Variants in RIPOR3 observed in about 807,000 individuals in gnomAD.
RIPOR3 encodes the protein family with sequence similarity 65 member C.
In RIPOR3, 95 loss-of-function variants were observed where a neutral mutation model predicts 114.3. The observed-to-expected ratio is 0.83, with a 90% confidence interval of 0.70 to 0.99. RIPOR3 has a LOEUF of 0.99. Among genes scored for constraint, RIPOR3 ranks in the 50% least tolerant of loss-of-function variants. The probability of loss-of-function intolerance (pLI) is 0.00; values close to 1 mark genes in which losing one functional copy is unlikely to be tolerated. For synonymous variants in RIPOR3, 575 were observed against 543.8 expected, an observed-to-expected ratio of 1.06 and a Z score of -0.80; for missense variants, 1,252 against 1,266.9, an observed-to-expected ratio of 0.99 and a Z score of 0.18.
chr20:50,623,057 A>G (rs2084477549), intron 2 of RIPOR3, among the ~76,000 whole-genome samples: 1 of 152,074 alleles, frequency 6.6e-6, no homozygotes, highest in African/African-American at 2.4e-5. Flanking sequence ...TGAGGTCAGG[A>G]GTTCAAGACC....
rs367985662 is a variant in RIPOR3, at chr20:50,602,179, C to T, written c.1552G>A (p.Glu518Lys). Residue 518 changes from glutamate to lysine, a missense_variant, in exon 13 of 22, where the codon GAG becomes AAG. Glu to Lys is a moderately conservative substitution (Grantham distance 56). Coordinates refer to ENST00000327979, the MANE Select transcript of RIPOR3 (RefSeq NM_001290268.2). The surrounding 1 kb of genome is among the most constrained non-coding windows in gnomAD (Gnocchi z 4.3). ...DREDGPGVALEGPLQEVLELL... is the reference protein window; with the variant it reads ...DREDGPGVALKGPLQEVLELL... ...TCCAGGACCTCCTGCAGAGGCCCCT[C>T]GAGGGCCACGCCAGGCCCGTCCTCT... 8.1e-6 allele frequency: 13 copies of T among 1,613,032 alleles called. No individual in the cohort carries two copies. The African/African-American group carries it at 9.3e-5, about 12-fold the overall frequency.
rs916691399 is a variant in RIPOR3 at position 50,682,571 on chromosome 20, C to T, written c.3+8555G>A. Among the ~76,000 whole-genome samples, 4 of 122,094 alleles carry T rather than the reference C, an allele frequency of 3.3e-5. No individual in the cohort carries two copies. In the East Asian group the frequency reaches 1.3e-3, roughly 38 times the overall value. 80.1% of individuals were successfully genotyped at this position (122,094 alleles called of 152,430 possible). A position where few individuals can be genotyped will look rare whatever the true frequency, so the allele number is the denominator to read the frequency against. On this transcript the variant is annotated intron_variant, in intron 1 of 21. Transcript: ENST00000327979. ...ACAGTGAGCTGAGATTGCACCACTG[C>T]ACTCCAGCCTGGGTGACAGAGTGAG... is the stretch of plus-strand genomic sequence containing the variant.
At chr20:50,682,612 A>ATATGTGTGTGTGTGTGTGTG (rs145272267) in intron 1 of RIPOR3, among the ~76,000 whole-genome samples, 1 of 146,792 alleles carries the variant, frequency 6.8e-6, no homozygotes, top group Admixed American at 6.9e-5. Flanking sequence ...GTCTCAAAAT[A>ATATGTGTGTGTGTGTGTGTG]TGTGTGTGTG....
In RIPOR3 at chr20:50,679,810, A is replaced by C. The variant is rs2086803296; in HGVS notation, c.3+11316T>G. Among the ~76,000 whole-genome samples the C allele has an allele frequency of 1.3e-5, 2 of 150,336 alleles. 1 individual carries two copies. The highest frequency in any genetic ancestry group is 1.3e-4 in the Admixed American group (2 of 15,060). On this transcript the variant is annotated intron_variant, in intron 1 of 21. Transcript: ENST00000327979. ...TCTCTACTAAAAAACTGCAAAAATT[A>C]GCCAGGCATGGCGGCATACACCTGT...
chr20:50,640,846 GA>G (rs1384792340), intron 1 of RIPOR3, among the ~76,000 whole-genome samples: 11 of 135,596 alleles, frequency 8.1e-5, no homozygotes, highest in South Asian at 2.5e-4. Context: ...TTAGGTCAAA[GA>G]AAATGTGTTA....
chr20:50,661,601 G>A (rs1384973234), intron 1 of RIPOR3, among the ~76,000 whole-genome samples: 1 of 152,164 alleles, frequency 6.6e-6, no homozygotes, highest in African/African-American at 2.4e-5. Flanking sequence ...TCTGAGGAGA[G>A]GCAAAGAGGT....
At chr20:50,612,741 C>A (rs2084020513) in intron 4 of RIPOR3, among the ~76,000 whole-genome samples, 1 of 151,988 alleles carries the variant, frequency 6.6e-6, no homozygotes, top group Non-Finnish European at 1.5e-5. Context: ...AGGATTCAAC[C>A]CCAAAAAGTC....
At chr20:50,643,683 C>A (rs1314688198) in intron 1 of RIPOR3, among the ~76,000 whole-genome samples, 2 of 149,754 alleles carry the variant, frequency 1.3e-5, no homozygotes, top group Non-Finnish European at 3.0e-5. Context: ...CCAGCTAAGG[C>A]AGGAGGATTT....
chr20:50,640,147 G>C (rs142573226), intron 1 of RIPOR3, among the ~76,000 whole-genome samples: 1 of 152,212 alleles, frequency 6.6e-6, no homozygotes, highest in African/African-American at 2.4e-5. Context: ...GACTCTGGCA[G>C]ACCACACAGC....
chr20:50,612,785 C>T (rs973682539), intron 4 of RIPOR3, among the ~76,000 whole-genome samples: 1 of 152,118 alleles, frequency 6.6e-6, no homozygotes, highest in African/African-American at 2.4e-5. Flanking sequence ...TGTACATATG[C>T]GATAATGAAA....
rs199517150 is a variant in RIPOR3, at chr20:50,587,919, C to G, written c.2662-27G>C. 1.0e-3 allele frequency: 1,621 copies of G among 1,610,396 alleles called. 4 individuals carry two copies. The highest frequency in any genetic ancestry group is 1.0e-3 in the Non-Finnish European group (1,216 of 1,177,222). ...TGTTCGAGATTAGGAGAAAAAGAAC[C>G]CTTTAGGGGGCCTTCTCAACAGCAG... On this transcript the variant is annotated intron_variant, in intron 20 of 21. Transcript: ENST00000327979.
rs71190580 is a variant in RIPOR3, at chr20:50,627,346, C to CAA, written c.122+3390_122+3391dup. On this transcript the variant is annotated intron_variant, in intron 2 of 21. Coordinates refer to ENST00000327979, the MANE Select transcript of RIPOR3 (RefSeq NM_001290268.2). ...TGAAACCCTGTCTCTACTAAAAATACAAAAAAAAAAAAAAATTAACTGGCA... is the reference window on the plus strand; with the variant it reads ...TGAAACCCTGTCTCTACTAAAAATACAAAAAAAAAAAAAAAAATTAACTGGCA... 2.8e-3 allele frequency among the ~76,000 whole-genome samples: 368 copies of CAA among 131,976 alleles called. 3 individuals are homozygous for CAA. Among genetic ancestry groups the CAA allele is most frequent in the African/African-American group, 7.7e-3 (281 of 36,322 alleles). The allele number at this position is 131,976 out of a possible 152,430, so 86.6% of individuals were successfully genotyped here. A position where few individuals can be genotyped will look rare whatever the true frequency, so the allele number is the denominator to read the frequency against.
intron 1 of RIPOR3, among the ~76,000 whole-genome samples, chr20:50,644,426 ATTTG>A (rs1212935706): frequency 2.0e-5 from 3 of 152,284 alleles, no homozygotes; most frequent in Admixed American, 1.3e-4. Flanking sequence ...AAATGCATTA[ATTTG>A]TTTAATATAA....
chr20:50,639,346 C>G (rs1470857220), intron 1 of RIPOR3, among the ~76,000 whole-genome samples: 1 of 152,156 alleles, frequency 6.6e-6, no homozygotes, highest in Non-Finnish European at 1.5e-5. Flanking sequence ...CATTGAATTC[C>G]TGGTACCCAG....
rs147345375 is a variant in RIPOR3 at position 50,607,459 on chromosome 20, A to C, written c.956+930T>G. ...AACTTGCTTATAATTATTTGCACAAAGGCCTGGCTCGTGGCACCTGGGCCT... is the reference window on the plus strand; with the variant it reads ...AACTTGCTTATAATTATTTGCACAACGGCCTGGCTCGTGGCACCTGGGCCT... On this transcript the variant is annotated intron_variant, in intron 11 of 21. Transcript: ENST00000327979. Among the ~76,000 whole-genome samples the C allele has an allele frequency of 2.4e-3, 363 of 152,268 alleles. 4 individuals are homozygous for C. Among genetic ancestry groups the C allele is most frequent in the African/African-American group, 8.3e-3 (346 of 41,564 alleles).
chr20:50,647,556 C>A (rs190133656), intron 1 of RIPOR3, among the ~76,000 whole-genome samples: 100 of 145,346 alleles, frequency 6.9e-4, no homozygotes, highest in South Asian at 2.7e-3. Context: ...AATCTCGGCT[C>A]ACTGCAAGCT....
At chr20:50,665,579 C>G (rs1011715479) in intron 1 of RIPOR3, among the ~76,000 whole-genome samples, 1 of 151,922 alleles carries the variant, frequency 6.6e-6, no homozygotes. Flanking sequence ...CACCACGACA[C>G]TGGGCTAATT....
At chr20:50,594,775 G>A (rs1183647663) in intron 16 of RIPOR3, 61 bp from the exon 17 acceptor site, 55 of 1,553,648 alleles carry the variant, frequency 3.5e-5, no homozygotes, top group Admixed American at 8.9e-5. Flanking sequence ...ACAAGGACCC[G>A]AAAGGTTTCC....
At chr20:50,595,762 TGA>T (rs2083266857) in intron 15 of RIPOR3, among the ~76,000 whole-genome samples, 3 of 152,190 alleles carry the variant, frequency 2.0e-5, no homozygotes. Context: ...AAAGCAGAAC[TGA>T]GAGAGACCTA....
Sources: allele counts gnomAD v4.1 joint callset (sites outside exome capture counted in the v4.1 genomes callset), GRCh38; gene constraint gnomAD v4.1.1; non-coding constraint Gnocchi (gnomAD v3.1); transcripts MANE v1.5; gene names NCBI Gene and HGNC (gene_info 2026-07-23, HGNC 2026-07-21).